Variants in NTM observed in about 807,000 individuals in gnomAD.
The protein encoded by NTM is neurotrimin.
In NTM, 13 loss-of-function variants were observed where a neutral mutation model predicts 42.1. The observed-to-expected ratio is 0.31, with a 90% CI of 0.20 to 0.49. The LOEUF is 0.49. Among genes scored for constraint, NTM ranks in the 20% least tolerant of loss-of-function variants. NTM has a pLI of 0.99. For synonymous variants in NTM, 187 were observed against 179.2 expected (o/e 1.04, Z -0.35); for missense variants, 373 against 452.8 (o/e 0.82, Z 1.60).
At chr11:131,638,684 C>T (rs887119845) in intron 1 of NTM, among the ~76,000 whole-genome samples, 11 of 151,592 alleles carry the variant, frequency 7.3e-5, no homozygotes, top group Admixed American at 2.6e-4. Flanking sequence ...TATGACATCC[C>T]ATTTCTACCC....
intron 1 of NTM, among the ~76,000 whole-genome samples, chr11:131,861,381 T>A (rs1220245745): frequency 2.6e-5 from 4 of 152,146 alleles, no homozygotes; most frequent in Non-Finnish European, 5.9e-5. Flanking sequence ...CCCCTCCCCC[T>A]CCCTGGGATT....
intron 1 of NTM, among the ~76,000 whole-genome samples, chr11:131,657,422 C>A (rs1052486753): frequency 6.6e-6 from 1 of 152,218 alleles, no homozygotes; most frequent in Non-Finnish European, 1.5e-5. Flanking sequence ...GTTTTTAATG[C>A]CACATGTCAG....
At chr11:131,648,100 C>G (rs1882994) in intron 1 of NTM, among the ~76,000 whole-genome samples, 30,581 of 152,144 alleles carry the variant, frequency 0.2, 3,197 homozygotes, top group Middle Eastern at 0.24. Flanking sequence ...TAAGTGAGAG[C>G]ATGTGGTATT....
chr11:131,517,574 A>G (rs1427865537), intron 1 of NTM, among the ~76,000 whole-genome samples: 1 of 152,014 alleles, frequency 6.6e-6, no homozygotes, highest in East Asian at 1.9e-4. Flanking sequence ...CTAATTGATA[A>G]CTCAAGCATC....
At chr11:132,322,286 C>A (rs1426458885) in intron 7 of NTM, among the ~76,000 whole-genome samples, 1 of 151,860 alleles carries the variant, frequency 6.6e-6, no homozygotes, top group East Asian at 1.9e-4. Context: ...GGAAACCCAT[C>A]TCATGTGCAG....
intron 2 of NTM, among the ~76,000 whole-genome samples, chr11:131,920,432 T>G (rs2057058351): frequency 6.6e-6 from 1 of 152,218 alleles, no homozygotes; most frequent in Admixed American, 6.5e-5. Context: ...GCAACACCAG[T>G]GCATCTGGCA....
At chr11:131,540,324 C>T (rs1407255886) in intron 1 of NTM, among the ~76,000 whole-genome samples, 1 of 152,078 alleles carries the variant, frequency 6.6e-6, no homozygotes, top group South Asian at 2.1e-4. Flanking sequence ...GCCACCATGG[C>T]CAGCTAGTTG....
chr11:132,085,435 A>C (rs2059583263), intron 2 of NTM, among the ~76,000 whole-genome samples: 1 of 152,230 alleles, frequency 6.6e-6, no homozygotes, highest in Admixed American at 6.5e-5. Context: ...CAAGTGGAGC[A>C]GTTCTCAACA....
At chr11:131,465,025 A>G (rs1187370125) in intron 1 of NTM, among the ~76,000 whole-genome samples, 1 of 152,230 alleles carries the variant, frequency 6.6e-6, no homozygotes, top group Non-Finnish European at 1.5e-5. Context: ...ACACATGTAT[A>G]CTGCACTGAG....
intron 2 of NTM, among the ~76,000 whole-genome samples, chr11:131,968,004 G>A (rs10894476): frequency 0.15 from 22,614 of 152,018 alleles, 2,055 homozygotes; most frequent in East Asian, 0.44. Flanking sequence ...TATACCAACC[G>A]TATATAGGAA....
At chr11:131,799,950 T>C (rs930545906) in intron 1 of NTM, among the ~76,000 whole-genome samples, 1 of 151,964 alleles carries the variant, frequency 6.6e-6, no homozygotes, top group Non-Finnish European at 1.5e-5. Context: ...TTGATGAAAC[T>C]CCTTGCCTTT....
chr11:131,578,734 A>C (rs188329826), intron 1 of NTM, among the ~76,000 whole-genome samples: 102 of 152,262 alleles, frequency 6.7e-4, no homozygotes, highest in African/African-American at 2.4e-3. Context: ...ATTTGTAACT[A>C]TCTCCCTCAT....
At chr11:132,180,808 G>A (rs903174396) in intron 3 of NTM, among the ~76,000 whole-genome samples, 17 of 152,022 alleles carry the variant, frequency 1.1e-4, no homozygotes, top group Admixed American at 7.2e-4. Flanking sequence ...ACTAAAACCC[G>A]GTGAGGCTCT....
chr11:131,379,036 A>C lies in NTM; in HGVS notation c.82+8148A>C, dbSNP rs554050896. ...TGGAGTCAGCAGATCTAAGAGGCAC[A>C]TTAGAACAGGGCTACTGGCAGATTT... On this transcript the variant is annotated intron_variant, in intron 1 of 8. Transcript: ENST00000683400. Among the ~76,000 whole-genome samples, 3 of 152,328 alleles carry C rather than the reference A, an allele frequency of 2.0e-5. No homozygotes were observed. The East Asian group carries it at 5.8e-4, about 29-fold the overall frequency.
chr11:131,744,098 G>A (rs1173620743), intron 1 of NTM, among the ~76,000 whole-genome samples: 1 of 152,144 alleles, frequency 6.6e-6, no homozygotes, highest in Non-Finnish European at 1.5e-5. Context: ...AACTTTCTCT[G>A]TAACTTGAAG....
intron 1 of NTM, among the ~76,000 whole-genome samples, chr11:131,594,298 G>A (rs536796353): frequency 6.6e-6 from 1 of 152,278 alleles, no homozygotes; most frequent in South Asian, 2.1e-4. Flanking sequence ...AGAACTGAGT[G>A]CTTGCATTAG....
chr11:131,572,387 T>C (rs2057528326), intron 1 of NTM, among the ~76,000 whole-genome samples: 1 of 152,164 alleles, frequency 6.6e-6, no homozygotes, highest in Admixed American at 6.5e-5. Context: ...ATTATTCTTC[T>C]CCAGAATTAA....
intron 4 of NTM, among the ~76,000 whole-genome samples, chr11:132,249,595 C>A (rs1036974283): frequency 6.6e-6 from 1 of 152,196 alleles, no homozygotes; most frequent in Non-Finnish European, 1.5e-5. Flanking sequence ...TTGCTTCAGT[C>A]CCTCCTTCTC....
intron 2 of NTM, among the ~76,000 whole-genome samples, chr11:132,079,359 G>T (rs557727009): frequency 6.6e-6 from 1 of 152,270 alleles, no homozygotes; most frequent in South Asian, 2.1e-4. Flanking sequence ...TTAGAATCAG[G>T]CAACCTGGGT....
Sources: allele counts gnomAD v4.1 joint callset (sites outside exome capture counted in the v4.1 genomes callset), GRCh38; gene constraint gnomAD v4.1.1; transcripts MANE v1.5; gene names NCBI Gene and HGNC (gene_info 2026-07-23, HGNC 2026-07-21).